Variants in CREBRF observed in about 807,000 individuals in gnomAD.
The protein encoded by CREBRF is CREB3 regulatory factor, also known as UPF0474 protein C5orf41.
In CREBRF, 5 loss-of-function variants were observed where a neutral mutation model predicts 66.1. The observed-to-expected ratio is 0.08, with a 90% CI of 0.04 to 0.16. The LOEUF is 0.16. CREBRF is among the 10% of genes least tolerant of loss of function. CREBRF has a pLI of 1.00. For missense variants in CREBRF, 531 were observed against 744.9 expected (o/e 0.71, Z 3.34); for synonymous variants, 229 against 264.4 (o/e 0.87, Z 1.30).
rs886519230 is a variant in CREBRF at position 173,119,939 on chromosome 5, C to T, written c.1682-3141C>T. ...ATTTGTTAATATTTGGATGTTAAGC[C>T]AACCTTGCATTCTTGGAATAAACGC... On this transcript the variant is annotated intron_variant, in intron 7 of 8. Coordinates refer to ENST00000296953, the MANE Select transcript of CREBRF (RefSeq NM_153607.3). Among the ~76,000 whole-genome samples, 19 of 152,186 alleles carry T rather than the reference C, an allele frequency of 1.2e-4. 1 individual carries two copies. The highest frequency in any genetic ancestry group is 3.4e-3 in the Middle Eastern group (1 of 294).
At chr5:173,060,626 A>G (rs1757242430) in intron 1 of CREBRF, among the ~76,000 whole-genome samples, 1 of 152,098 alleles carries the variant, frequency 6.6e-6, no homozygotes. Context: ...CACTTTCACC[A>G]TATTCAGTAG....
intron 1 of CREBRF, among the ~76,000 whole-genome samples, chr5:173,061,260 C>G (rs547317039): frequency 6.6e-6 from 1 of 152,372 alleles, no homozygotes; most frequent in South Asian, 2.1e-4. Flanking sequence ...ACCACCACAT[C>G]TGGCCCAGTC....
intron 8 of CREBRF, among the ~76,000 whole-genome samples, chr5:173,127,218 A>G (rs1019124226): frequency 1.5e-5 from 2 of 137,674 alleles, no homozygotes; most frequent in African/African-American, 2.8e-5. Flanking sequence ...GCTAGAGTGC[A>G]GTGGCACTAT....
chr5:173,098,008 T>C (rs1758519927), intron 4 of CREBRF, among the ~76,000 whole-genome samples: 1 of 152,092 alleles, frequency 6.6e-6, no homozygotes, highest in South Asian at 2.1e-4. Flanking sequence ...AGTTGTTTAT[T>C]ACCATAAGAT....
chr5:173,113,099 C>A (rs1284085938), intron 7 of CREBRF, among the ~76,000 whole-genome samples: 1 of 151,992 alleles, frequency 6.6e-6, no homozygotes, highest in Non-Finnish European at 1.5e-5. Context: ...CTCAGGTGAT[C>A]CTCCCACTGC....
At chr5:173,110,985 G>C (rs1421403512) in intron 6 of CREBRF, among the ~76,000 whole-genome samples, 2 of 152,002 alleles carry the variant, frequency 1.3e-5, no homozygotes, top group South Asian at 2.1e-4. Flanking sequence ...TGCTTTTTTA[G>C]TAAGTCAGAG....
chr5:173,126,331 G>T (rs2113801061), intron 8 of CREBRF, among the ~76,000 whole-genome samples: 1 of 152,234 alleles, frequency 6.6e-6, no homozygotes, highest in South Asian at 2.1e-4. Flanking sequence ...ACTGGGGATG[G>T]GGTTTCACCA....
chr5:173,124,073 C>T lies in CREBRF; in HGVS notation c.1804+871C>T, dbSNP rs1759204536. On this transcript the variant is annotated intron_variant, in intron 8 of 8. Transcript: ENST00000296953. ...TTATTAGCTACAGGGGGAAATTTAA[C>T]ATTACAAGAAAAAGTTATTTTTACC... 5 of 152,096 alleles carry T rather than the reference C, an allele frequency of 3.3e-5. No homozygotes were observed. The South Asian group carries it at 1.0e-3, about 31-fold the overall frequency. The allele number at this position is 152,096 out of a possible 1,614,324, so 9.4% of individuals were successfully genotyped here.
At chr5:173,088,076 G>T (rs927239925) in intron 3 of CREBRF, among the ~76,000 whole-genome samples, 3 of 151,446 alleles carry the variant, frequency 2.0e-5, no homozygotes, top group South Asian at 4.2e-4. Flanking sequence ...ACCCACCTCG[G>T]AGTGCTGGGA....
At chr5:173,070,132 G>T (rs1049887302) in intron 1 of CREBRF, among the ~76,000 whole-genome samples, 2 of 151,976 alleles carry the variant, frequency 1.3e-5, no homozygotes, top group Admixed American at 6.6e-5. Context: ...ATCTCAAGTG[G>T]TCTGTCTACC....
intron 3 of CREBRF, among the ~76,000 whole-genome samples, chr5:173,088,107 G>T (rs1758216563): frequency 6.6e-6 from 1 of 151,894 alleles, no homozygotes; most frequent in African/African-American, 2.4e-5. Context: ...GAGCCACCGT[G>T]CCCGGCCTTA....
chr5:173,082,003 G>GTTTTTTTT lies in CREBRF; in HGVS notation c.9+1240_9+1247dup, dbSNP rs869148787. Among the ~76,000 whole-genome samples, 5 of 78,076 alleles carry GTTTTTTTT rather than the reference G, an allele frequency of 6.4e-5. 1 individual carries two copies. Among genetic ancestry groups the GTTTTTTTT allele is most frequent in the African/African-American group, 2.4e-4 (5 of 20,430 alleles). The allele number at this position is 78,076 out of a possible 152,430, so 51.2% of individuals were successfully genotyped here. A position where few individuals can be genotyped will look rare whatever the true frequency, so the allele number is the denominator to read the frequency against. ...AGAGTGGTTGCCCATTCAAGGTTTA[G>GTTTTTTTT]TTTTTTTTTTTTTTTTTTTTTTTTT... On this transcript the variant is annotated intron_variant, in intron 2 of 8. Coordinates refer to ENST00000296953, the MANE Select transcript of CREBRF (RefSeq NM_153607.3).
intron 5 of CREBRF, 57 bp from the exon 6 acceptor site, chr5:173,110,465 A>C: frequency 7.8e-7 from 1 of 1,276,234 alleles, no homozygotes; most frequent in Non-Finnish European, 1.1e-6. Context: ...GCCGTGAAAA[A>C]CGTGTCTCTT....
intron 4 of CREBRF, among the ~76,000 whole-genome samples, chr5:173,105,973 T>C (rs1758739244): frequency 1.3e-5 from 2 of 152,184 alleles, no homozygotes; most frequent in African/African-American, 4.8e-5. Context: ...TTGCATCTTT[T>C]CCAAAACTAG....
At position 173,093,166 on chromosome 5, in the gene CREBRF, G is replaced by C. The variant is rs532157137; in HGVS notation, c.1222+1765G>C. 2.0e-5 allele frequency among the ~76,000 whole-genome samples: 3 copies of C among 152,234 alleles called. No individual in the cohort carries two copies. In the South Asian group the frequency reaches 6.2e-4, roughly 32 times the overall value. ...ACAAAGAGAGGATGGGTAATTAAGG[G>C]AAATGGCAAATGTGGGGAAGGAAAT... On this transcript the variant is annotated intron_variant, in intron 4 of 8. Coordinates refer to ENST00000296953, the MANE Select transcript of CREBRF (RefSeq NM_153607.3).
chr5:173,058,510 G>C (rs1757146415), intron 1 of CREBRF, among the ~76,000 whole-genome samples: 1 of 151,306 alleles, frequency 6.6e-6, no homozygotes. Context: ...TTGAGACGGA[G>C]TCTCGCTCTG....
At chr5:173,105,606 T>C (rs1278690038) in intron 4 of CREBRF, among the ~76,000 whole-genome samples, 1 of 152,046 alleles carries the variant, frequency 6.6e-6, no homozygotes, top group East Asian at 1.9e-4. Context: ...TAGCTGGGAT[T>C]ACAGGTGGGC....
rs111245875 is a variant in CREBRF at position 173,068,795 on chromosome 5, G to A, written c.-191-11790G>A. ...ATTTAGGATTTTGAGTGGGCCAGGC[G>A]CGGTGGCTCACGCCTGTAATCCCAG... On this transcript the variant is annotated intron_variant, in intron 1 of 8. Transcript: ENST00000296953. 4.2e-3 allele frequency among the ~76,000 whole-genome samples: 636 copies of A among 152,078 alleles called. 4 individuals carry two copies. The highest frequency in any genetic ancestry group is 0.014 in the African/African-American group (580 of 41,496).
At chr5:173,100,218 C>T (rs1437315363) in intron 4 of CREBRF, among the ~76,000 whole-genome samples, 2 of 147,428 alleles carry the variant, frequency 1.4e-5, no homozygotes, top group South Asian at 4.3e-4. Context: ...TCAAGTGATC[C>T]GCCCACCTCG....
Sources: allele counts gnomAD v4.1 joint callset (sites outside exome capture counted in the v4.1 genomes callset), GRCh38; gene constraint gnomAD v4.1.1; transcripts MANE v1.5; gene names NCBI Gene and HGNC (gene_info 2026-07-23, HGNC 2026-07-21).